The following KIRREL3 variants were observed in gnomAD, a reference collection of about 807,000 sequenced individuals.
KIRREL3 encodes the protein kirre like nephrin family adhesion molecule 3, also known as kin of IRRE-like protein 3.
Under a neutral mutation model 89.7 loss-of-function variants are expected in KIRREL3, and 36 were observed. That is an observed-to-expected ratio of 0.40 (90% CI 0.31 to 0.53). The LOEUF (loss-of-function observed/expected upper bound fraction) is 0.53. Among genes scored for constraint, KIRREL3 ranks in the 20% least tolerant of loss-of-function variants. The pLI, the probability that KIRREL3 is intolerant of heterozygous loss-of-function variation, is 0.49. For missense variants in KIRREL3, 864 were observed against 1,056.6 expected, an observed-to-expected ratio of 0.82 and a Z score of 2.53; for synonymous variants, 445 against 441.4, an observed-to-expected ratio of 1.01 and a Z score of -0.10.
At chr11:126,446,930 G>A (rs1471640775) in intron 8 of KIRREL3, 44 bp from the exon 9 acceptor site, 5 of 1,587,796 alleles carry the variant, frequency 3.1e-6, no homozygotes, top group Non-Finnish European at 4.3e-6. Context: ...TGGGTGGGGA[G>A]CTCTGGGATC....
intron 1 of KIRREL3, among the ~76,000 whole-genome samples, chr11:126,914,498 G>A (rs370159500): frequency 1.4e-4 from 22 of 152,358 alleles, no homozygotes; most frequent in African/African-American, 5.1e-4. Context: ...TCAGAGGAAA[G>A]GAATATACTG....
At chr11:126,765,247 C>T (rs1192876980) in intron 1 of KIRREL3, among the ~76,000 whole-genome samples, 6 of 152,174 alleles carry the variant, frequency 3.9e-5, no homozygotes, top group African/African-American at 1.4e-4. Context: ...CTGTAAAATA[C>T]AGACCATGAC....
chr11:126,554,997 C>A (rs1305208505), intron 2 of KIRREL3, among the ~76,000 whole-genome samples: 1 of 152,200 alleles, frequency 6.6e-6, no homozygotes. Flanking sequence ...CTTCCTGCAC[C>A]ATCCCCTTTC....
chr11:126,903,010 G>A lies in KIRREL3; in HGVS notation c.55+97445C>T, dbSNP rs182237579. 7.2e-5 allele frequency among the ~76,000 whole-genome samples: 11 copies of A among 152,074 alleles called. No individual in the cohort carries two copies. In the East Asian group the frequency reaches 7.7e-4, roughly 11 times the overall value. On this transcript the variant is annotated intron_variant, in intron 1 of 16. Transcript: ENST00000525144. This position sits in a 1 kb window ranked among gnomAD's most constrained non-coding sequence, Gnocchi z 4.5. ...TTTTTTAAAAAAAAGGAAGCCCAGC[G>A]TCCTATGACCTTGTGAAAGAAGCAA... is the stretch of plus-strand genomic sequence containing the variant.
rs1185946001 is a variant in KIRREL3, at chr11:126,970,887, C to T, written c.55+29568G>A. ...GCTCACCTGCTGCCAGGTATCTACGCAGCAGGAGAACCACAAACAGAAGCA... is the reference window on the plus strand; with the variant it reads ...GCTCACCTGCTGCCAGGTATCTACGTAGCAGGAGAACCACAAACAGAAGCA... On this transcript the variant is annotated intron_variant, in intron 1 of 16. Coordinates refer to ENST00000525144, the MANE Select transcript of KIRREL3 (RefSeq NM_032531.4). The surrounding 1 kb of genome is among the most constrained non-coding windows in gnomAD (Gnocchi z 4.4). 1.3e-5 allele frequency among the ~76,000 whole-genome samples: 2 copies of T among 152,190 alleles called. No individual in the cohort carries two copies. The highest frequency in any genetic ancestry group is 4.8e-5 in the African/African-American group (2 of 41,454).
At chr11:126,506,585 A>G (rs73633706) in intron 4 of KIRREL3, among the ~76,000 whole-genome samples, 3,390 of 152,336 alleles carry the variant, frequency 0.022, 141 homozygotes, top group African/African-American at 0.077. Context: ...GCAAGGATGT[A>G]GAGAAACTGG....
chr11:126,602,017 T>C (rs1942679947), intron 1 of KIRREL3, among the ~76,000 whole-genome samples: 1 of 152,126 alleles, frequency 6.6e-6, no homozygotes, highest in Non-Finnish European at 1.5e-5. Flanking sequence ...GCTGCGGCCT[T>C]TTCCCGTGGC....
rs1947679600 is a variant in KIRREL3 at position 126,709,640 on chromosome 11, A to C, written c.56-146728T>G. Among the ~76,000 whole-genome samples the C allele has an allele frequency of 1.3e-5, 2 of 152,224 alleles. No individual in the cohort carries two copies. The highest frequency in any genetic ancestry group is 6.5e-5 in the Admixed American group (1 of 15,288). On this transcript the variant is annotated intron_variant, in intron 1 of 16. Transcript: ENST00000525144. The surrounding 1 kb of genome is among the most constrained non-coding windows in gnomAD (Gnocchi z 4.0). ...AAAGAGAAAATTTGGACACAGAGGTACAGAGGGAAGACCATGTGAAGATGA... is the reference window on the plus strand; with the variant it reads ...AAAGAGAAAATTTGGACACAGAGGTCCAGAGGGAAGACCATGTGAAGATGA...
At chr11:126,731,100 T>C (rs1642913526) in intron 1 of KIRREL3, among the ~76,000 whole-genome samples, 2 of 152,192 alleles carry the variant, frequency 1.3e-5, no homozygotes, top group Admixed American at 1.3e-4. Flanking sequence ...AGCCACTCTC[T>C]TTGCTGCCTC....
rs1244963000 is a variant in KIRREL3, at chr11:126,513,009, T to C, written c.433+8306A>G. ...GGGGCAGGAGTGAATGCGTCCCAGCTCCCCAGTGAGGGCCGTTTGTCCTGC... is the reference window on the plus strand; with the variant it reads ...GGGGCAGGAGTGAATGCGTCCCAGCCCCCCAGTGAGGGCCGTTTGTCCTGC... On this transcript the variant is annotated intron_variant, in intron 4 of 16. Coordinates refer to ENST00000525144, the MANE Select transcript of KIRREL3 (RefSeq NM_032531.4). This position sits in a 1 kb window ranked among gnomAD's most constrained non-coding sequence, Gnocchi z 5.9. 6.6e-6 allele frequency among the ~76,000 whole-genome samples: 1 copy of C among 151,974 alleles called. No homozygotes were observed. Among genetic ancestry groups the C allele is most frequent in the Non-Finnish European group, 1.5e-5 (1 of 68,000 alleles).
intron 10 of KIRREL3, among the ~76,000 whole-genome samples, chr11:126,442,833 A>T (rs1955634094): frequency 6.6e-6 from 1 of 152,206 alleles, no homozygotes; most frequent in South Asian, 2.1e-4. Flanking sequence ...GAAATAAACA[A>T]GCAGCTTCTT....
rs1363032836 is a variant in KIRREL3, at chr11:126,555,587, A to G, written c.133+7248T>C. ...GGCAAGCAGGGTAGACACAGGGAGC[A>G]GGGTAGACACAGGCCCTATGACAGG... On this transcript the variant is annotated intron_variant, in intron 2 of 16. Transcript: ENST00000525144. This position sits in a 1 kb window ranked among gnomAD's most constrained non-coding sequence, Gnocchi z 4.2. 1.3e-5 allele frequency among the ~76,000 whole-genome samples: 2 copies of G among 152,062 alleles called. No homozygotes were observed. Among genetic ancestry groups the G allele is most frequent in the African/African-American group, 4.8e-5 (2 of 41,404 alleles).
chr11:126,500,754 A>AAAG (rs1957830131), intron 4 of KIRREL3, among the ~76,000 whole-genome samples: 1 of 150,820 alleles, frequency 6.6e-6, no homozygotes, highest in Non-Finnish European at 1.5e-5. Flanking sequence ...AAAAAAAAAA[A>AAAG]GAAAAAGAAA....
rs561652209 is a variant in KIRREL3, at chr11:126,513,005, C to T, written c.433+8310G>A. Among the ~76,000 whole-genome samples the T allele has an allele frequency of 6.6e-6, 1 of 152,276 alleles. No individual in the cohort carries two copies. Among genetic ancestry groups the T allele is most frequent in the South Asian group, 2.1e-4 (1 of 4,828 alleles). On this transcript the variant is annotated intron_variant, in intron 4 of 16. Coordinates refer to ENST00000525144, the MANE Select transcript of KIRREL3 (RefSeq NM_032531.4). The surrounding 1 kb of genome is among the most constrained non-coding windows in gnomAD (Gnocchi z 5.9). ...GACTGGGGCAGGAGTGAATGCGTCC[C>T]AGCTCCCCAGTGAGGGCCGTTTGTC...
chr11:126,612,526 A>T lies in KIRREL3; in HGVS notation c.56-49614T>A, dbSNP rs1227301770. Among the ~76,000 whole-genome samples, 2 of 152,216 alleles carry T rather than the reference A, an allele frequency of 1.3e-5. No homozygotes were observed. The highest frequency in any genetic ancestry group is 2.9e-5 in the Non-Finnish European group (2 of 68,044). ...TTAAAAAAGAGATGTTGTTCATATA[A>T]CATAACATTTTCCCCTTTAAAATAG... On this transcript the variant is annotated intron_variant, in intron 1 of 16. Transcript: ENST00000525144. The surrounding 1 kb of genome is among the most constrained non-coding windows in gnomAD (Gnocchi z 4.5).
chr11:126,437,113 GC>G, intron 11 of KIRREL3, 104 bp from the exon 12 acceptor site: 1 of 1,059,230 alleles, frequency 9.4e-7, no homozygotes. Flanking sequence ...CATGCTCACT[GC>G]CACACACTAA....
At chr11:126,714,873 T>C (rs1458046237) in intron 1 of KIRREL3, among the ~76,000 whole-genome samples, 1 of 152,220 alleles carries the variant, frequency 6.6e-6, no homozygotes, top group Non-Finnish European at 1.5e-5. Flanking sequence ...GGGGCTTATG[T>C]ACCAAATCCC....
intron 1 of KIRREL3, among the ~76,000 whole-genome samples, chr11:126,583,826 A>G (rs1410128119): frequency 7.9e-5 from 12 of 152,124 alleles, no homozygotes; most frequent in African/African-American, 2.9e-4. Flanking sequence ...TCCATTTAGA[A>G]AGTGACAGCT....
In KIRREL3 at chr11:126,455,363, C is replaced by G. The variant is rs1377108982; in HGVS notation, c.848+986G>C. 6.6e-6 allele frequency among the ~76,000 whole-genome samples: 1 copy of G among 152,212 alleles called. No individual in the cohort carries two copies. The highest frequency in any genetic ancestry group is 2.4e-5 in the African/African-American group (1 of 41,446). ...CAGAGGAAGCGTGTGTTTATTGGAT[C>G]AGTCAGACACATCTAAGGAGCATGT... On this transcript the variant is annotated intron_variant, in intron 7 of 16. Coordinates refer to ENST00000525144, the MANE Select transcript of KIRREL3 (RefSeq NM_032531.4). This position sits in a 1 kb window ranked among gnomAD's most constrained non-coding sequence, Gnocchi z 6.4.
Sources: allele counts gnomAD v4.1 joint callset (sites outside exome capture counted in the v4.1 genomes callset), GRCh38; gene constraint gnomAD v4.1.1; non-coding constraint Gnocchi (gnomAD v3.1); transcripts MANE v1.5; gene names NCBI Gene and HGNC (gene_info 2026-07-23, HGNC 2026-07-21).